Variants in TRA2B observed in about 807,000 individuals in gnomAD.
TRA2B encodes transformer-2 protein homolog beta.
A neutral mutation model predicts 41.7 loss-of-function variants in TRA2B; 14 were observed. That is an observed-to-expected ratio of 0.34 (90% CI 0.22 to 0.53). TRA2B has a LOEUF of 0.53. TRA2B is among the 20% of genes least tolerant of loss of function. TRA2B has a pLI of 0.95. For missense variants in TRA2B, 167 were observed against 396.8 expected (o/e 0.42, Z 4.92); for synonymous variants, 130 against 128.8 (o/e 1.01, Z -0.06).
At position 185,921,089 on chromosome 3, in the gene TRA2B, T is replaced by C. The variant is rs1442460572; in HGVS notation, c.722+15A>G. The C allele has an allele frequency of 6.2e-7, 1 of 1,611,168 alleles. No individual in the cohort carries two copies. The highest frequency in any genetic ancestry group is 1.7e-5 in the Admixed American group (1 of 60,016). The stretch of plus-strand genomic sequence containing the variant: ...ACTGAGATTCAGACGTTGACCTTTC[T>C]ACCTCATAACTTACCTGTATGATCT... On this transcript the variant is annotated intron_variant, in intron 6 of 8. Coordinates refer to ENST00000453386, the MANE Select transcript of TRA2B (RefSeq NM_004593.3).
chr3:185,924,660 A>T (rs1346844346), intron 3 of TRA2B: 1 of 152,500 alleles, frequency 6.6e-6, no homozygotes, highest in East Asian at 1.9e-4. Context: ...ACAAAAATAT[A>T]ACAAATTACT....
intron 3 of TRA2B, chr3:185,924,747 A>G (rs1236872368): frequency 6.6e-6 from 1 of 152,310 alleles, no homozygotes; most frequent in Non-Finnish European, 1.5e-5. Context: ...GCAAGGTAGA[A>G]GCTGCAGTAA....
intron 3 of TRA2B, chr3:185,924,483 C>A (rs990593106): frequency 1.3e-5 from 2 of 153,256 alleles, no homozygotes; most frequent in Non-Finnish European, 2.9e-5. Context: ...CGTACCAAAC[C>A]ATTTTACAGG....
Position 185,921,955 on chromosome 3 carries a change from T to G in TRA2B, c.638+56A>C, listed in dbSNP as rs1743760934. 12 of 1,310,446 alleles carry G rather than the reference T, an allele frequency of 9.2e-6. No homozygotes were observed. In the South Asian group the frequency reaches 1.5e-4, roughly 17 times the overall value. The allele number at this position is 1,310,446 out of a possible 1,614,324, so 81.2% of individuals were successfully genotyped here. A position where few individuals can be genotyped will look rare whatever the true frequency, so the allele number is the denominator to read the frequency against. On this transcript the variant is annotated intron_variant, in intron 5 of 8. Coordinates refer to ENST00000453386, the MANE Select transcript of TRA2B (RefSeq NM_004593.3). ...GCTGAAGACTTTCCACTAATACAAG[T>G]GTTTCTTTGACAAGTGAAAAACTGC...
In TRA2B at chr3:185,924,083, A is replaced by G. The variant is rs529358462; in HGVS notation, c.334-99T>C. On this transcript the variant is annotated intron_variant, in intron 3 of 8. Transcript: ENST00000453386. ...TACTAGCCAAAATGTCACTAACAAG[A>G]AAAGTACATAATGATTAGACCAAAC... 282 of 1,023,356 alleles carry G rather than the reference A, an allele frequency of 2.8e-4. 2 individuals are homozygous for G. In the South Asian group the frequency reaches 4.7e-3, roughly 17 times the overall value. 63.4% of individuals were successfully genotyped at this position (1,023,356 alleles called of 1,614,324 possible).
intron 1 of TRA2B, chr3:185,935,837 G>C (rs924681243): frequency 2.0e-6 from 2 of 985,156 alleles, no homozygotes; most frequent in African/African-American, 3.5e-5. Context: ...CAACAATATG[G>C]AAGTATTTCA....
rs1743533360 is a variant in TRA2B, at chr3:185,917,236, T to C, written c.*479A>G. 1 of 155,660 alleles carries C rather than the reference T, an allele frequency of 6.4e-6. No homozygotes were observed. The highest frequency in any genetic ancestry group is 1.4e-5 in the Non-Finnish European group (1 of 70,286). 9.6% of individuals were successfully genotyped at this position (155,660 alleles called of 1,614,324 possible). ...TGCAGGTATATAAGTATGGTATGTT[T>C]CATGGACTGGAGGAAAACGGGCATT... On this transcript the variant is annotated 3_prime_UTR_variant, in exon 9 of 9. Transcript: ENST00000453386.
chr3:185,930,620 G>A (rs904765658), intron 1 of TRA2B, among the ~76,000 whole-genome samples: 37 of 152,246 alleles, frequency 2.4e-4, no homozygotes, highest in African/African-American at 7.2e-4. Context: ...TTTTTGATAT[G>A]TGTACTTGTC....
intron 7 of TRA2B, among the ~76,000 whole-genome samples, chr3:185,918,736 G>A (rs546323402): frequency 2.0e-4 from 31 of 152,174 alleles, no homozygotes; most frequent in East Asian, 5.8e-4. Context: ...GGCTGGGTGC[G>A]GTGGCTCAAC....
intron 1 of TRA2B, chr3:185,928,832 G>A (rs963868355): frequency 4.6e-5 from 7 of 152,198 alleles, no homozygotes; most frequent in African/African-American, 1.7e-4. Context: ...AAGGAAGAAT[G>A]GGTCAAGTCA....
chr3:185,921,294 T>C, intron 5 of TRA2B, 107 bp from the exon 6 acceptor site: 3 of 942,148 alleles, frequency 3.2e-6, no homozygotes, highest in Non-Finnish European at 3.4e-6. Flanking sequence ...ATGAAAATTA[T>C]TCCTGTTAAA....
At chr3:185,934,955 G>T (rs1744292987) in intron 1 of TRA2B, 1 of 985,244 alleles carries the variant, frequency 1.0e-6, no homozygotes, top group Non-Finnish European at 1.2e-6. Flanking sequence ...TGTCTCCTTA[G>T]TTTCTGGATT....
chr3:185,932,576 T>C (rs763820705), intron 1 of TRA2B, among the ~76,000 whole-genome samples: 7 of 152,214 alleles, frequency 4.6e-5, no homozygotes, highest in Non-Finnish European at 7.4e-5. Context: ...AGTTTTGTTG[T>C]ACATTTTCCC....
At position 185,925,476 on chromosome 3, in the gene TRA2B, A is replaced by G; in HGVS notation, c.321T>C (p.His107=). The change falls in exon 3 of 9, where the codon CAT becomes CAC. Residue 107 remains histidine (H), a synonymous_variant. Coordinates refer to ENST00000453386, the MANE Select transcript of TRA2B (RefSeq NM_004593.3). ...SHSPMSTRRR[H]VGNRANPDPN... is the part of the protein sequence containing the mutation. ...TTTTTCATCTTACCCGATTCCCAAC[A>G]TGACGCCTGCGAGTAGACATGGGAG... 1.2e-6 allele frequency: 2 copies of G among 1,613,162 alleles called. No homozygotes were observed. The highest frequency in any genetic ancestry group is 1.7e-6 in the Non-Finnish European group (2 of 1,179,716).
intron 3 of TRA2B, 134 bp downstream of exon 3, chr3:185,925,330 C>CA: frequency 9.3e-7 from 1 of 1,081,050 alleles, no homozygotes; most frequent in Non-Finnish European, 1.3e-6. Flanking sequence ...AAGACTCTCT[C>CA]AAAACACTAA....
chr3:185,925,176 A>C (rs1284520729), intron 3 of TRA2B: 2 of 199,086 alleles, frequency 1.0e-5, no homozygotes, highest in Non-Finnish European at 2.0e-5. Flanking sequence ...ATTTTGAACT[A>C]ATGTACTAAT....
intron 1 of TRA2B, chr3:185,937,174 A>T (rs1744394961): frequency 2.0e-6 from 2 of 985,490 alleles, no homozygotes; most frequent in African/African-American, 1.7e-5. Context: ...CCAAACACAA[A>T]GCCCTCACGC....
intron 1 of TRA2B, chr3:185,937,575 C>A (rs898786979): frequency 7.8e-6 from 5 of 642,030 alleles, no homozygotes; most frequent in South Asian, 6.9e-5. Context: ...CCTCTTATAA[C>A]GGGAAAAACG....
At chr3:185,924,155 G>T in intron 3 of TRA2B, 171 bp from the exon 4 acceptor site, 1 of 509,124 alleles carries the variant, frequency 2.0e-6, no homozygotes, top group Non-Finnish European at 3.2e-6. Flanking sequence ...AAGTATTTTT[G>T]GGAATGGGTA....
Sources: gnomAD v4.1 joint callset for allele counts (sites outside exome capture counted in the v4.1 genomes callset) on GRCh38, gnomAD v4.1.1 for gene constraint, MANE v1.5 for transcripts, NCBI Gene and HGNC (gene_info 2026-07-23, HGNC 2026-07-21) for gene names.